SLC12A4: variants seen among roughly 807,000 people sequenced by gnomAD.
SLC12A4 encodes electroneutral potassium-chloride cotransporter 1.
In SLC12A4, 84 loss-of-function variants were observed where a neutral mutation model predicts 119.2. The ratio of observed to expected loss-of-function variants is 0.70; its 90% CI spans 0.59 to 0.85. SLC12A4 has a LOEUF of 0.85. Among genes scored for constraint, SLC12A4 ranks in the 40% least tolerant of loss-of-function variants. SLC12A4 has a pLI of 0.00. For synonymous variants in SLC12A4, 599 were observed against 604.6 expected (o/e 0.99, Z 0.14); for missense variants, 1,298 against 1,476.3 (o/e 0.88, Z 1.98).
rs2030379795 is a variant in SLC12A4, at chr16:67,958,124, GC to G, written c.343-81del. The stretch of plus-strand genomic sequence containing the variant: ...AGAGTCAGCCCTAGTCACTCAGCAG[GC>G]CCCCTCCCCCAGTGGGGCCCCAGGG... On this transcript the variant is annotated intron_variant, in intron 3 of 23. Transcript: ENST00000316341. 4 of 1,504,782 alleles carry G rather than the reference GC, an allele frequency of 2.7e-6. No individual in the cohort carries two copies. The East Asian group carries it at 9.3e-5, about 35-fold the overall frequency. 93.2% of individuals were successfully genotyped at this position (1,504,782 alleles called of 1,614,324 possible). A position where few individuals can be genotyped will look rare whatever the true frequency, so the allele number is the denominator to read the frequency against.
Position 67,963,455 on chromosome 16 carries a change from C to T in SLC12A4, c.210+10G>A. 5 of 1,560,508 alleles carry T rather than the reference C, an allele frequency of 3.2e-6. No individual in the cohort carries two copies. Among genetic ancestry groups the T allele is most frequent in the East Asian group, 2.4e-5 (1 of 42,012 alleles). ...GCCAAACCTGTGGCCCAAAATGGCT[C>T]CTCAGCTACCTCAAACAGTGCCAGG... On this transcript the variant is annotated intron_variant, in intron 2 of 23. Transcript: ENST00000316341.
rs1682564177 is a variant in SLC12A4 at position 67,950,133 on chromosome 16, C to G, written c.1629+186G>C. On this transcript the variant is annotated intron_variant, in intron 12 of 23. Coordinates refer to ENST00000316341, the MANE Select transcript of SLC12A4 (RefSeq NM_005072.5). The surrounding 1 kb of genome is among the most constrained non-coding windows in gnomAD (Gnocchi z 4.3). ...TAAACAGGCCATGAAGATTCTGGGT[C>G]CAGGCAGCTCCAGGCCCAGGTGAGT... 4.2e-6 allele frequency: 3 copies of G among 719,148 alleles called. No individual in the cohort carries two copies. The South Asian group carries it at 5.7e-5, about 14-fold the overall frequency. The allele number at this position is 719,148 out of a possible 1,614,324, so 44.5% of individuals were successfully genotyped here. A position where few individuals can be genotyped will look rare whatever the true frequency, so the allele number is the denominator to read the frequency against.
upstream of SLC12A4, chr16:67,968,642 C>T (rs975644214): frequency 4.7e-6 from 6 of 1,283,188 alleles, no homozygotes; most frequent in Non-Finnish European, 5.9e-6. Flanking sequence ...CGACACGCCC[C>T]GCCCGCTCGC....
chr16:67,947,625 G>T, intron 15 of SLC12A4, 44 bp downstream of exon 15: 1 of 1,575,284 alleles, frequency 6.3e-7, no homozygotes, highest in African/African-American at 1.3e-5. Context: ...CTGCTCGGCC[G>T]GGCCCCCTCA....
chr16:67,959,186 T>C (rs1266934334), intron 3 of SLC12A4, among the ~76,000 whole-genome samples: 1 of 151,858 alleles, frequency 6.6e-6, no homozygotes, highest in East Asian at 1.9e-4. Flanking sequence ...CAGGGCAGAG[T>C]AGGGGCCAGC....
chr16:67,954,669 T>C lies in SLC12A4; in HGVS notation c.649A>G (p.Ile217Val), dbSNP rs756807003. 8.1e-6 allele frequency: 13 copies of C among 1,614,146 alleles called. No individual in the cohort carries two copies. The highest frequency in any genetic ancestry group is 7.7e-5 in the South Asian group (7 of 91,076). ...LGTTFAAAMY[I>V]LGAIEILLTY... ...AGCAAGATCTCGATGGCCCCCAGGA[T>C]GTACATGGCTGCTGCGAATGTTGTT... The change falls in exon 6 of 24, where the codon ATC becomes GTC. Residue 217 changes from isoleucine (I) to valine (V), a missense_variant. Physicochemically the swap from Ile to Val is conservative, Grantham distance 29 (BLOSUM62 3). Transcript: ENST00000316341.
chr16:67,954,811 TG>T (rs2030158736), intron 5 of SLC12A4, 38 bp from the exon 6 acceptor site: 1 of 1,611,582 alleles, frequency 6.2e-7, no homozygotes, highest in Non-Finnish European at 8.5e-7. Context: ...AGGTCAAGGC[TG>T]GTTCTTCTTC....
chr16:67,956,821 AAC>A (rs903184799), intron 5 of SLC12A4, among the ~76,000 whole-genome samples: 18 of 139,782 alleles, frequency 1.3e-4, no homozygotes, highest in East Asian at 3.9e-4. Context: ...AATACACACA[AAC>A]ACACACACAC....
At chr16:67,962,339 A>C (rs1430830344) in intron 2 of SLC12A4, 1 of 152,320 alleles carries the variant, frequency 6.6e-6, no homozygotes, top group African/African-American at 2.4e-5. Flanking sequence ...TTCCCAGGTC[A>C]GGAGGCCTCC....
rs757265263 is a variant in SLC12A4, at chr16:67,948,185, AG to A, written c.1749-27del. 8.7e-6 allele frequency: 14 copies of A among 1,608,652 alleles called. No homozygotes were observed. The South Asian group carries it at 1.3e-4, about 15-fold the overall frequency. ...CTGCGGCACAGAGGGCGGTTGGCGA[AG>A]AGCAGCCTCCTCGGCAGCTGGGGAC... On this transcript the variant is annotated intron_variant, in intron 13 of 23. Coordinates refer to ENST00000316341, the MANE Select transcript of SLC12A4 (RefSeq NM_005072.5).
chr16:67,948,301 C>A, intron 13 of SLC12A4, 142 bp from the exon 14 acceptor site: 1 of 694,198 alleles, frequency 1.4e-6, no homozygotes, highest in Non-Finnish European at 2.5e-6. Flanking sequence ...CTCATTGCTG[C>A]CACCTCCATG....
At chr16:67,968,349 C>T (rs993895296) in intron 1 of SLC12A4, 90 bp downstream of exon 1, 1 of 1,219,056 alleles carries the variant, frequency 8.2e-7, no homozygotes, top group Non-Finnish European at 1.1e-6. Context: ...CGCGCAAGGT[C>T]CCGGGATAGG....
rs2058406232 is a variant in SLC12A4, at chr16:67,950,825, T to C, written c.1397-114A>G. ...ACACCTACAGCTGGGAGTCTCGTGG[T>C]GTGTATGTGCATGTGTGCATGAGAA... is the stretch of plus-strand genomic sequence containing the variant. On this transcript the variant is annotated intron_variant, in intron 10 of 23. Transcript: ENST00000316341. This position sits in a 1 kb window ranked among gnomAD's most constrained non-coding sequence, Gnocchi z 4.3. 1.4e-6 allele frequency: 2 copies of C among 1,455,650 alleles called. No homozygotes were observed. The highest frequency in any genetic ancestry group is 1.9e-6 in the Non-Finnish European group (2 of 1,055,556). 90.2% of individuals were successfully genotyped at this position (1,455,650 alleles called of 1,614,324 possible).
intron 1 of SLC12A4, among the ~76,000 whole-genome samples, chr16:67,965,320 G>A (rs950738893): frequency 2.7e-5 from 4 of 149,132 alleles, no homozygotes; most frequent in African/African-American, 1.0e-4. Flanking sequence ...GACAAAAAAA[G>A]TGTCTCCCTT....
chr16:67,952,270 G>C lies in SLC12A4; in HGVS notation c.831C>G (p.Ala277=). The change falls in exon 7 of 24, where the codon GCC becomes GCG. Residue 277 remains alanine (A), a synonymous_variant. Transcript: ENST00000316341. Reference sequence around the variant, plus strand: ...TGATCACACAGGCCAGGAAGAGCGAGGCAAATTTGTTCACATACTTGACCC... The same window carrying C: ...TGATCACACAGGCCAGGAAGAGCGACGCAAATTTGTTCACATACTTGACCC... ...FVGVKYVNKF[A]SLFLACVIIS... 1 of 1,614,156 alleles carries C rather than the reference G, an allele frequency of 6.2e-7. No homozygotes were observed.
intron 20 of SLC12A4, 37 bp from the exon 21 acceptor site, chr16:67,945,908 G>A (rs200147028): frequency 1.6e-4 from 265 of 1,612,900 alleles, no homozygotes; most frequent in Non-Finnish European, 2.1e-4. Context: ...CCAGCTGCAC[G>A]GGACATGGTA....
intron 3 of SLC12A4, among the ~76,000 whole-genome samples, chr16:67,958,581 C>T (rs1414766167): frequency 6.6e-6 from 1 of 152,150 alleles, no homozygotes; most frequent in African/African-American, 2.4e-5. Flanking sequence ...CTCCAGCCCA[C>T]TCTGCTGCTA....
At position 67,950,119 on chromosome 16, in the gene SLC12A4, T is replaced by G. The variant is rs2058396889; in HGVS notation, c.1629+200A>C. ...CTTTGGATGAGCCCTAAACAGGCCA[T>G]GAAGATTCTGGGTCCAGGCAGCTCC... On this transcript the variant is annotated intron_variant, in intron 12 of 23. Transcript: ENST00000316341. This position sits in a 1 kb window ranked among gnomAD's most constrained non-coding sequence, Gnocchi z 4.3. 8.7e-6 allele frequency: 6 copies of G among 693,268 alleles called. No homozygotes were observed. The highest frequency in any genetic ancestry group is 1.4e-5 in the Non-Finnish European group (6 of 418,256). 42.9% of individuals were successfully genotyped at this position (693,268 alleles called of 1,614,324 possible). A position where few individuals can be genotyped will look rare whatever the true frequency, so the allele number is the denominator to read the frequency against.
At chr16:67,967,343 G>A (rs565827843) in intron 1 of SLC12A4, among the ~76,000 whole-genome samples, 3 of 152,214 alleles carry the variant, frequency 2.0e-5, no homozygotes, top group African/African-American at 7.2e-5. Flanking sequence ...CATCATGATC[G>A]GTCACAGATA....
Sources: gnomAD v4.1 joint callset for allele counts (sites outside exome capture counted in the v4.1 genomes callset) on GRCh38, gnomAD v4.1.1 for gene constraint, Gnocchi (gnomAD v3.1) non-coding constraint, MANE v1.5 for transcripts, NCBI Gene and HGNC (gene_info 2026-07-23, HGNC 2026-07-21) for gene names.